SLC24A2: variants seen among roughly 807,000 people sequenced by gnomAD.
The protein encoded by SLC24A2 is sodium/potassium/calcium exchanger 2.
Under a neutral mutation model 62.0 loss-of-function variants are expected in SLC24A2, and 36 were observed. The ratio of observed to expected loss-of-function variants is 0.58; its 90% confidence interval spans 0.44 to 0.77. The LOEUF (loss-of-function observed/expected upper bound fraction) is 0.77, where lower values mean the gene tolerates loss of function less well. Ranked by LOEUF, SLC24A2 falls within the 30% of genes least tolerant of loss-of-function variation. The probability of loss-of-function intolerance (pLI) is 0.00; values close to 1 mark genes in which losing one functional copy is unlikely to be tolerated. For missense variants in SLC24A2, 846 were observed against 817.9 expected (o/e 1.03, Z -0.42); for synonymous variants, 358 against 294.0 (o/e 1.22, Z -2.23).
chr9:19,578,067 T>A (rs1210210633), intron 5 of SLC24A2, among the ~76,000 whole-genome samples: 1 of 148,606 alleles, frequency 6.7e-6, no homozygotes, highest in Non-Finnish European at 1.5e-5. Flanking sequence ...AATAATACAA[T>A]AGACTTTGGG....
chr9:20,091,499 C>T, the SLC24A2 span, among the ~76,000 whole-genome samples: 22 of 152,178 alleles, frequency 1.4e-4, no homozygotes, highest in South Asian at 4.6e-3. Flanking sequence ...TACCAGACCA[C>T]CTCTCAGCAG....
the SLC24A2 span, among the ~76,000 whole-genome samples, chr9:19,847,627 G>C: frequency 6.6e-6 from 1 of 152,102 alleles, no homozygotes; most frequent in Non-Finnish European, 1.5e-5. Flanking sequence ...TCTCCACACC[G>C]GAGAGAAGAC....
chr9:19,947,383 A>G, the SLC24A2 span, among the ~76,000 whole-genome samples: 1 of 151,452 alleles, frequency 6.6e-6, no homozygotes, highest in South Asian at 2.1e-4. Context: ...GAAGGAAGGA[A>G]GGAAGAAGAA....
chr9:19,678,523 A>G (rs1819622594), intron 2 of SLC24A2, among the ~76,000 whole-genome samples: 2 of 152,308 alleles, frequency 1.3e-5, no homozygotes, highest in African/African-American at 4.8e-5. Context: ...TTTCTATTTA[A>G]AAAACATTGC....
At chr9:19,795,284 C>T in the SLC24A2 span, among the ~76,000 whole-genome samples, 3 of 146,036 alleles carry the variant, frequency 2.1e-5, no homozygotes, top group Admixed American at 1.4e-4. Context: ...CCCCCACCCC[C>T]GGCCCAATGC....
At chr9:19,626,582 G>A (rs1359982755) in intron 2 of SLC24A2, among the ~76,000 whole-genome samples, 1 of 152,148 alleles carries the variant, frequency 6.6e-6, no homozygotes, top group African/African-American at 2.4e-5. Flanking sequence ...GCATTATAAA[G>A]TCTATAGAAA....
chr9:19,883,924 T>C, the SLC24A2 span, among the ~76,000 whole-genome samples: 1 of 152,198 alleles, frequency 6.6e-6, no homozygotes, highest in Non-Finnish European at 1.5e-5. Context: ...ATTAAAGGTC[T>C]ACCCTGTAAA....
the SLC24A2 span, among the ~76,000 whole-genome samples, chr9:19,853,765 G>C: frequency 6.6e-6 from 1 of 150,676 alleles, no homozygotes; most frequent in Non-Finnish European, 1.5e-5. Flanking sequence ...CTGGCCTGAA[G>C]TGTTCTTTGT....
At chr9:19,862,283 G>T in the SLC24A2 span, among the ~76,000 whole-genome samples, 19 of 151,904 alleles carry the variant, frequency 1.3e-4, no homozygotes, top group Non-Finnish European at 2.5e-4. Flanking sequence ...AGGAGAGAGT[G>T]GTATGACATA....
In SLC24A2 at chr9:19,515,445, C is replaced by T. The variant is rs1832886128; in HGVS notation, c.*708G>A. ...ACTCAGGGCCCCTACAGACCTTCTC[C>T]ACTAAGCCCTCCTCCCTGCAAGCTA... On this transcript the variant is annotated 3_prime_UTR_variant, in exon 11 of 11. Transcript: ENST00000341998. The T allele has an allele frequency of 1.3e-5, 2 of 152,168 alleles. No individual in the cohort carries two copies. The highest frequency in any genetic ancestry group is 2.4e-5 in the African/African-American group (1 of 41,402). 9.4% of individuals were successfully genotyped at this position (152,168 alleles called of 1,614,324 possible).
the SLC24A2 span, among the ~76,000 whole-genome samples, chr9:20,145,605 GT>G: frequency 2.4e-5 from 1 of 41,732 alleles, no homozygotes; most frequent in African/African-American, 1.0e-4. Context: ...ACATGTATGT[GT>G]GTGTGTGTGT....
At chr9:19,583,687 C>T (rs576113998) in intron 5 of SLC24A2, among the ~76,000 whole-genome samples, 1 of 152,210 alleles carries the variant, frequency 6.6e-6, no homozygotes, top group East Asian at 1.9e-4. Context: ...ACCTATGGGG[C>T]CCCAGGAACT....
chr9:20,263,690 G>A, the SLC24A2 span, among the ~76,000 whole-genome samples: 1 of 152,148 alleles, frequency 6.6e-6, no homozygotes, highest in African/African-American at 2.4e-5. Flanking sequence ...GCTTTTTGTA[G>A]TAGCCAGCAC....
chr9:19,860,867 G>A, the SLC24A2 span, among the ~76,000 whole-genome samples: 1 of 152,208 alleles, frequency 6.6e-6, no homozygotes, highest in Non-Finnish European at 1.5e-5. Flanking sequence ...CCTTTGGAAA[G>A]GGGAGAGAAG....
the SLC24A2 span, among the ~76,000 whole-genome samples, chr9:20,248,804 T>C: frequency 6.6e-6 from 1 of 152,352 alleles, no homozygotes; most frequent in African/African-American, 2.4e-5. Context: ...TACAACTATA[T>C]TGTTAGCATT....
At chr9:19,773,351 G>A (rs908372417) in intron 2 of SLC24A2, among the ~76,000 whole-genome samples, 1 of 152,148 alleles carries the variant, frequency 6.6e-6, no homozygotes, top group Admixed American at 6.5e-5. Flanking sequence ...AAAGTCAATA[G>A]AGAAACATTA....
intron 2 of SLC24A2, among the ~76,000 whole-genome samples, chr9:19,636,610 T>C (rs1326776425): frequency 1.3e-5 from 2 of 151,708 alleles, no homozygotes; most frequent in African/African-American, 4.9e-5. Flanking sequence ...AATTTTCGTA[T>C]TTTTAGTAAA....
At chr9:19,641,149 G>C (rs1818482006) in intron 2 of SLC24A2, among the ~76,000 whole-genome samples, 1 of 152,204 alleles carries the variant, frequency 6.6e-6, no homozygotes, top group African/African-American at 2.4e-5. Context: ...CCACTTCCCT[G>C]TCTGCATATC....
the SLC24A2 span, among the ~76,000 whole-genome samples, chr9:19,988,410 C>T: frequency 6.6e-6 from 1 of 152,196 alleles, no homozygotes; most frequent in African/African-American, 2.4e-5. Context: ...GGCTTTTAAT[C>T]CCCACTGAAC....
Sources: gnomAD v4.1 joint callset for allele counts (sites outside exome capture counted in the v4.1 genomes callset) on GRCh38, gnomAD v4.1.1 for gene constraint, MANE v1.5 for transcripts, NCBI Gene and HGNC (gene_info 2026-07-23, HGNC 2026-07-21) for gene names.